The following ANKS1A variants were observed in gnomAD, a reference collection of about 807,000 sequenced individuals.
The protein encoded by ANKS1A is ankyrin repeat and sterile alpha motif domain containing 1A, also known as ankyrin repeat and SAM domain-containing protein 1A.
In ANKS1A, 55 loss-of-function variants were observed where a neutral mutation model predicts 120.3. The observed-to-expected ratio is 0.46, with a 90% CI of 0.37 to 0.57. ANKS1A has a LOEUF of 0.57. Ranked by LOEUF, ANKS1A falls within the 20% of genes least tolerant of loss-of-function variation. ANKS1A has a pLI of 0.00. For missense variants in ANKS1A, 1,123 were observed against 1,480.3 expected, an observed-to-expected ratio of 0.76 and a Z score of 3.96; for synonymous variants, 590 against 604.7, an observed-to-expected ratio of 0.98 and a Z score of 0.36.
At chr6:35,014,108 A>G (rs1181459028) in intron 10 of ANKS1A, among the ~76,000 whole-genome samples, 1 of 152,220 alleles carries the variant, frequency 6.6e-6, no homozygotes, top group Non-Finnish European at 1.5e-5. Context: ...CTTGTCCCTA[A>G]GAGACCTTAT....
intron 1 of ANKS1A, among the ~76,000 whole-genome samples, chr6:34,921,193 A>C (rs1177403173): frequency 6.6e-6 from 1 of 152,240 alleles, no homozygotes; most frequent in East Asian, 1.9e-4. Flanking sequence ...ATTGATACAG[A>C]AAACTTACAC....
At position 35,069,717 on chromosome 6, in the gene ANKS1A, ATT is replaced by A. The variant is rs34879318; in HGVS notation, c.2185-8831_2185-8830del. Among the ~76,000 whole-genome samples the A allele has an allele frequency of 1.1e-3, 172 of 150,054 alleles. 2 individuals carry two copies. The highest frequency in any genetic ancestry group is 3.9e-3 in the African/African-American group (157 of 40,314). ...CACCCTACCTGGCTAATATATATATATTTTTTTTTTTAAGAGACTGGGTGTCA... is the reference window on the plus strand; with the variant it reads ...CACCCTACCTGGCTAATATATATATATTTTTTTTTAAGAGACTGGGTGTCA... On this transcript the variant is annotated intron_variant, in intron 13 of 23. Transcript: ENST00000360359.
chr6:34,929,005 A>G (rs1440472795), intron 1 of ANKS1A, among the ~76,000 whole-genome samples: 3 of 152,206 alleles, frequency 2.0e-5, no homozygotes, highest in Non-Finnish European at 2.9e-5. Flanking sequence ...TCAGTTTCTT[A>G]GAAATCTCAG....
intron 1 of ANKS1A, among the ~76,000 whole-genome samples, chr6:34,963,854 C>T (rs1770769221): frequency 1.3e-5 from 2 of 152,148 alleles, no homozygotes; most frequent in Non-Finnish European, 2.9e-5. Context: ...ATTTGCATTT[C>T]TCTAATGACT....
At chr6:35,061,366 C>T (rs1489925415) in intron 13 of ANKS1A, among the ~76,000 whole-genome samples, 2 of 152,232 alleles carry the variant, frequency 1.3e-5, no homozygotes, top group East Asian at 3.8e-4. Context: ...TTGAGTTAGA[C>T]CCACCCGCTC....
Position 35,085,653 on chromosome 6 carries a change from G to A in ANKS1A, c.3133-113G>A. ...AGGAGGGAAGAGTGGAAGGAGGTAG[G>A]AGCGCTCCCGGGTAGACTTAGAGGG... On this transcript the variant is annotated intron_variant, in intron 21 of 23. Transcript: ENST00000360359. The surrounding 1 kb of genome is among the most constrained non-coding windows in gnomAD (Gnocchi z 4.7). 1 of 1,080,072 alleles carries A rather than the reference G, an allele frequency of 9.3e-7. No homozygotes were observed. The highest frequency in any genetic ancestry group is 1.3e-6 in the Non-Finnish European group (1 of 774,664). 66.9% of individuals were successfully genotyped at this position (1,080,072 alleles called of 1,614,324 possible).
chr6:35,095,977 T>C (rs1160710142), downstream of ANKS1A, among the ~76,000 whole-genome samples: 2 of 152,216 alleles, frequency 1.3e-5, no homozygotes, highest in Admixed American at 6.5e-5. Flanking sequence ...TGTATTCCCA[T>C]TGCAATACCT....
chr6:34,941,132 C>A (rs565157117), intron 1 of ANKS1A, among the ~76,000 whole-genome samples: 2 of 151,730 alleles, frequency 1.3e-5, no homozygotes, highest in African/African-American at 4.8e-5. Context: ...GGATCACAGG[C>A]GTGTGCCACC....
At chr6:35,024,242 A>G (rs1035176015) in intron 11 of ANKS1A, among the ~76,000 whole-genome samples, 1 of 152,242 alleles carries the variant, frequency 6.6e-6, no homozygotes, top group African/African-American at 2.4e-5. Context: ...CCCACAGCAC[A>G]CACACACAGC....
At position 35,061,393 on chromosome 6, in the gene ANKS1A, A is replaced by T. The variant is rs1776492198; in HGVS notation, c.2184+1140A>T. 2.6e-5 allele frequency among the ~76,000 whole-genome samples: 4 copies of T among 152,300 alleles called. No homozygotes were observed. The South Asian group carries it at 6.2e-4, about 24-fold the overall frequency. ...CACCCGCTCCGAGGGGATCTCTCTC[A>T]CCTGTGCCCGCCTTGCTCCGCTGCC... On this transcript the variant is annotated intron_variant, in intron 13 of 23. Coordinates refer to ENST00000360359, the MANE Select transcript of ANKS1A (RefSeq NM_015245.3).
At chr6:35,076,775 G>A (rs564375112) in intron 13 of ANKS1A, among the ~76,000 whole-genome samples, 105 of 152,084 alleles carry the variant, frequency 6.9e-4, no homozygotes, top group Non-Finnish European at 2.2e-4. Flanking sequence ...GATTACAGGC[G>A]CCTGCCACCA....
intron 1 of ANKS1A, among the ~76,000 whole-genome samples, chr6:34,921,252 G>C (rs1768418041): frequency 1.3e-5 from 2 of 152,116 alleles, no homozygotes; most frequent in African/African-American, 4.8e-5. Flanking sequence ...ATCAAAATAT[G>C]CCTTTGGGTC....
In ANKS1A at chr6:35,085,417, G is replaced by A. The variant is rs1777910706; in HGVS notation, c.3133-349G>A. Among the ~76,000 whole-genome samples the A allele has an allele frequency of 6.6e-6, 1 of 152,106 alleles. No homozygotes were observed. Among genetic ancestry groups the A allele is most frequent in the Non-Finnish European group, 1.5e-5 (1 of 68,032 alleles). The stretch of plus-strand genomic sequence containing the variant: ...GGGCACAGCACTCACAGACTTTGTC[G>A]GTGACACATTAAAAATAAAAGCACT... On this transcript the variant is annotated intron_variant, in intron 21 of 23. Coordinates refer to ENST00000360359, the MANE Select transcript of ANKS1A (RefSeq NM_015245.3). This position sits in a 1 kb window ranked among gnomAD's most constrained non-coding sequence, Gnocchi z 4.7.
intron 1 of ANKS1A, among the ~76,000 whole-genome samples, chr6:34,914,004 G>T (rs1157021716): frequency 6.6e-6 from 1 of 152,068 alleles, no homozygotes; most frequent in Non-Finnish European, 1.5e-5. Context: ...TGCAAGCTCC[G>T]CCTCTCAGGC....
intron 1 of ANKS1A, among the ~76,000 whole-genome samples, chr6:34,935,065 T>C (rs899182119): frequency 1.3e-5 from 2 of 152,228 alleles, no homozygotes; most frequent in Non-Finnish European, 2.9e-5. Context: ...CTGTTTTCAT[T>C]CTTCTGGACA....
At chr6:35,030,741 A>G (rs1242937911) in intron 11 of ANKS1A, among the ~76,000 whole-genome samples, 2 of 152,160 alleles carry the variant, frequency 1.3e-5, no homozygotes, top group Admixed American at 6.5e-5. Flanking sequence ...TAGGTCATGC[A>G]TGCAGTCCTC....
chr6:34,986,338 G>A (rs1263608756), intron 8 of ANKS1A, among the ~76,000 whole-genome samples: 1 of 152,128 alleles, frequency 6.6e-6, no homozygotes, highest in Non-Finnish European at 1.5e-5. Context: ...CTCCCCTAGG[G>A]TTATGTTGGG....
At chr6:35,095,002 G>A (rs930436653), downstream of ANKS1A, among the ~76,000 whole-genome samples, 37 of 151,726 alleles carry the variant, frequency 2.4e-4, no homozygotes, top group Admixed American at 6.6e-4. Context: ...TTAGCTGGGC[G>A]TGATGGTGTG....
At chr6:35,071,017 C>T (rs969913137) in intron 13 of ANKS1A, 15 of 512,858 alleles carry the variant, frequency 2.9e-5, no homozygotes, top group Non-Finnish European at 4.8e-5. Flanking sequence ...CCCCTAGTTT[C>T]TTGTTGTCAT....
Sources: gnomAD v4.1 joint callset for allele counts (sites outside exome capture counted in the v4.1 genomes callset) on GRCh38, gnomAD v4.1.1 for gene constraint, Gnocchi (gnomAD v3.1) non-coding constraint, MANE v1.5 for transcripts, NCBI Gene and HGNC (gene_info 2026-07-23, HGNC 2026-07-21) for gene names.